Variants in ARHGEF10 observed in about 807,000 individuals in gnomAD.
The protein encoded by ARHGEF10 is Rho guanine nucleotide exchange factor (GEF) 10.
In ARHGEF10, 140 loss-of-function variants were observed where a neutral mutation model predicts 147.4. The ratio of observed to expected loss-of-function variants is 0.95; its 90% CI spans 0.83 to 1.09. The LOEUF is 1.09. Among genes scored for constraint, ARHGEF10 ranks in the 50% least tolerant of loss-of-function variants. ARHGEF10 has a pLI of 0.00. For synonymous variants in ARHGEF10, 902 were observed against 695.8 expected (o/e 1.30, Z -4.67); for missense variants, 2,222 against 1,752.7 (o/e 1.27, Z -4.78).
At chr8:1,845,110 G>A (rs1163235270) in intron 2 of ARHGEF10, among the ~76,000 whole-genome samples, 3 of 152,180 alleles carry the variant, frequency 2.0e-5, no homozygotes, top group African/African-American at 2.4e-5. Context: ...CTGAACTCCA[G>A]CCTGGGTGGT....
chr8:1,887,482 C>G (rs1262802598), intron 11 of ARHGEF10, among the ~76,000 whole-genome samples: 2 of 143,922 alleles, frequency 1.4e-5, no homozygotes, highest in African/African-American at 5.3e-5. Flanking sequence ...TGAGGAGACA[C>G]TGAGTGGGGT....
Position 1,893,587 on chromosome 8 carries a change from C to A in ARHGEF10, c.1201C>A (p.Leu401Met). Residue 401 changes from leucine to methionine, a missense_variant, in exon 12 of 29, where the codon CTG becomes ATG. Transcript: ENST00000349830. ...SQQQVVRRYI[L>M]GSVVDSEKNY... ...CCAACAGGTTGTAAGAAGATATATA[C>A]TGGGTTCAGTTGTCGACAGTGAAAA... The A allele has an allele frequency of 6.2e-7, 1 of 1,613,382 alleles. No individual in the cohort carries two copies.
chr8:1,942,761 G>A (rs1019953069), intron 26 of ARHGEF10, among the ~76,000 whole-genome samples: 1 of 152,212 alleles, frequency 6.6e-6, no homozygotes, highest in Non-Finnish European at 1.5e-5. Context: ...GCCATAGAAA[G>A]GAGTGAAGCC....
rs887544011 is a variant in ARHGEF10 at position 1,937,189 on chromosome 8, A to G, written c.3222+3247A>G. Among the ~76,000 whole-genome samples, 1 of 152,178 alleles carries G rather than the reference A, an allele frequency of 6.6e-6. No homozygotes were observed. The highest frequency in any genetic ancestry group is 2.4e-5 in the African/African-American group (1 of 41,442). On this transcript the variant is annotated intron_variant, in intron 26 of 28. Coordinates refer to ENST00000349830, the MANE Select transcript of ARHGEF10 (RefSeq NM_014629.4). This position sits in a 1 kb window ranked among gnomAD's most constrained non-coding sequence, Gnocchi z 4.9. ...ATTGTTCCTGTTACTTTTCATATCC[A>G]TCTGACACTTCTTATTTCACGTGCC...
At chr8:1,833,521 C>T (rs1014832212) in intron 1 of ARHGEF10, among the ~76,000 whole-genome samples, 16 of 152,298 alleles carry the variant, frequency 1.1e-4, no homozygotes, top group East Asian at 5.8e-4. Flanking sequence ...CCACTGCATC[C>T]GCCCCAAGCA....
At chr8:1,829,393 G>A (rs1802956185) in intron 1 of ARHGEF10, among the ~76,000 whole-genome samples, 1 of 152,256 alleles carries the variant, frequency 6.6e-6, no homozygotes, top group Non-Finnish European at 1.5e-5. Flanking sequence ...GTTGCCCTGT[G>A]TGGGCCGGGC....
chr8:1,932,970 T>C (rs1813273264), intron 25 of ARHGEF10, among the ~76,000 whole-genome samples: 1 of 152,264 alleles, frequency 6.6e-6, no homozygotes, highest in East Asian at 1.9e-4. Flanking sequence ...ATTTTAATTA[T>C]TTATAGGATA....
chr8:1,876,156 A>G (rs3735873), intron 7 of ARHGEF10: 3 of 246,230 alleles, frequency 1.2e-5, no homozygotes, highest in East Asian at 2.0e-4. Flanking sequence ...TCCACCGTCC[A>G]TCGACATGCC....
chr8:1,844,658 TG>T (rs1804411524), intron 2 of ARHGEF10, among the ~76,000 whole-genome samples: 1 of 152,086 alleles, frequency 6.6e-6, no homozygotes, highest in Non-Finnish European at 1.5e-5. Flanking sequence ...GCTTCTCTTC[TG>T]GGGGTGACGT....
intron 1 of ARHGEF10, among the ~76,000 whole-genome samples, chr8:1,833,778 C>A (rs555753053): frequency 6.8e-4 from 104 of 152,358 alleles, no homozygotes; most frequent in African/African-American, 2.4e-3. Flanking sequence ...CTTTAGGAAG[C>A]CCTCCTGGCC....
chr8:1,826,200 A>G, intron 1 of ARHGEF10: 1 of 1,424,850 alleles, frequency 7.0e-7, no homozygotes, highest in Non-Finnish European at 9.6e-7. Context: ...TTGGGGGTGA[A>G]GTGAAGTTAA....
At chr8:1,840,177 A>G (rs1392006387) in intron 1 of ARHGEF10, among the ~76,000 whole-genome samples, 1 of 102,536 alleles carries the variant, frequency 9.8e-6, no homozygotes. Flanking sequence ...AAGCTGTCCG[A>G]TATGGGGACT....
rs74459694 is a variant in ARHGEF10, at chr8:1,924,676, G to T, written c.2489-607G>T. 3.6e-3 allele frequency among the ~76,000 whole-genome samples: 542 copies of T among 152,306 alleles called. 5 individuals are homozygous for T. The East Asian group carries it at 0.052, about 15-fold the overall frequency. On this transcript the variant is annotated intron_variant, in intron 21 of 28. Transcript: ENST00000349830. ...CAGAAACACAGCCCCTCTCTCTCTT[G>T]CTGAATAATTTGGTCATTTTTCAGG...
rs565194845 is a variant in ARHGEF10, at chr8:1,841,749, C to G, written c.-47-1604C>G. ...TCGCAGCTGCTGCTCGTGGGGAGCC[C>G]CAGTGCGTGTTGAGCTACTCGTGTG... On this transcript the variant is annotated intron_variant, in intron 1 of 28. Transcript: ENST00000349830. Among the ~76,000 whole-genome samples, 78 of 152,074 alleles carry G rather than the reference C, an allele frequency of 5.1e-4. No homozygotes were observed. The South Asian group carries it at 0.015, about 30-fold the overall frequency.
At chr8:1,909,626 G>C (rs535939652) in intron 18 of ARHGEF10, among the ~76,000 whole-genome samples, 156 bp downstream of exon 18, 1 of 152,362 alleles carries the variant, frequency 6.6e-6, no homozygotes, top group South Asian at 2.1e-4. Context: ...TCTGTATGCT[G>C]TCTGACTAAC....
chr8:1,925,616 T>A (rs916538908), intron 22 of ARHGEF10, among the ~76,000 whole-genome samples: 2 of 152,230 alleles, frequency 1.3e-5, no homozygotes, highest in Non-Finnish European at 2.9e-5. Context: ...TGAAGCCCAG[T>A]CCTGGGCCAG....
At chr8:1,888,811 GGGGTGAGAGTTATGAGGAGACACTGAATA>G (rs1809063804) in intron 11 of ARHGEF10, among the ~76,000 whole-genome samples, 1 of 65,168 alleles carries the variant, frequency 1.5e-5, no homozygotes, top group African/African-American at 7.0e-5. Flanking sequence ...GACACTGAGT[GGGGTGAGAGTTATGAGGAGACACTGAATA>G]GGGTGAGGTT....
rs370235828 is a variant in ARHGEF10 at position 1,886,778 on chromosome 8, C to A, written c.1182+1071C>A. The stretch of plus-strand genomic sequence containing the variant: ...TGTACTCTGTAAGGAAGCCTGGACT[C>A]GGAGGAGGCTGATCATCAGAACTGC... On this transcript the variant is annotated intron_variant, in intron 11 of 28. Transcript: ENST00000349830. 2.6e-4 allele frequency among the ~76,000 whole-genome samples: 39 copies of A among 152,224 alleles called. No individual in the cohort carries two copies. In the South Asian group the frequency reaches 6.8e-3, roughly 27 times the overall value.
chr8:1,888,333 TG>T (rs1808961356), intron 11 of ARHGEF10, among the ~76,000 whole-genome samples: 1 of 104,900 alleles, frequency 9.5e-6, no homozygotes, highest in African/African-American at 3.8e-5. Flanking sequence ...GGATGTTGAC[TG>T]TGAGGAGACA....
Sources: allele counts gnomAD v4.1 joint callset (sites outside exome capture counted in the v4.1 genomes callset), GRCh38; gene constraint gnomAD v4.1.1; non-coding constraint Gnocchi (gnomAD v3.1); transcripts MANE v1.5; gene names NCBI Gene and HGNC (gene_info 2026-07-23, HGNC 2026-07-21).